EBF2: variants seen among roughly 807,000 people sequenced by gnomAD.
EBF2 encodes the protein transcription factor COE2.
EBF2 carries 21 observed loss-of-function variants against 72.8 expected under a neutral mutation model. The observed-to-expected ratio is 0.29, with a 90% CI of 0.20 to 0.42. EBF2 has a LOEUF of 0.42. EBF2 is among the 10% of genes least tolerant of loss of function. The pLI, the probability that EBF2 is intolerant of heterozygous loss-of-function variation, is 1.00. For missense variants in EBF2, 637 were observed against 731.2 expected, an observed-to-expected ratio of 0.87 and a Z score of 1.49; for synonymous variants, 299 against 274.2, an observed-to-expected ratio of 1.09 and a Z score of -0.89.
chr8:25,947,858 C>T (rs1803797444), intron 6 of EBF2, among the ~76,000 whole-genome samples: 1 of 152,138 alleles, frequency 6.6e-6, no homozygotes, highest in Non-Finnish European at 1.5e-5. Context: ...AAATAGAAGC[C>T]CTTCTTATAA....
At chr8:25,863,993 CTA>C (rs1028943499) in intron 10 of EBF2, among the ~76,000 whole-genome samples, 48 of 152,220 alleles carry the variant, frequency 3.2e-4, no homozygotes, top group African/African-American at 1.1e-3. Context: ...GCATATTTTT[CTA>C]TGACATGTTC....
chr8:25,921,624 A>C (rs1366040203), intron 6 of EBF2, among the ~76,000 whole-genome samples: 3 of 152,200 alleles, frequency 2.0e-5, no homozygotes, highest in Non-Finnish European at 4.4e-5. Context: ...TTAGTACCAA[A>C]AATGAAATCT....
At chr8:26,015,048 T>C (rs1805086333) in intron 6 of EBF2, among the ~76,000 whole-genome samples, 1 of 152,194 alleles carries the variant, frequency 6.6e-6, no homozygotes, top group Admixed American at 6.5e-5. Context: ...GGTGCTGGAA[T>C]AGAATTAAAT....
At chr8:26,014,506 T>C (rs1189518556) in intron 6 of EBF2, among the ~76,000 whole-genome samples, 1 of 152,210 alleles carries the variant, frequency 6.6e-6, no homozygotes, top group Non-Finnish European at 1.5e-5. Context: ...TTTTCTTTCC[T>C]CCTTTGCACT....
chr8:25,857,330 A>G (rs1218743387), intron 14 of EBF2, among the ~76,000 whole-genome samples: 2 of 152,068 alleles, frequency 1.3e-5, no homozygotes, highest in Non-Finnish European at 2.9e-5. Context: ...CAGGGAACCA[A>G]AAGTCCAAAG....
intron 5 of EBF2, among the ~76,000 whole-genome samples, chr8:26,033,932 A>C (rs1805450776): frequency 6.6e-6 from 1 of 152,336 alleles, no homozygotes; most frequent in Admixed American, 6.5e-5. Flanking sequence ...AGCAAATCAC[A>C]ACTTTCCCAT....
chr8:25,887,997 C>G (rs1802719876), intron 8 of EBF2, 25 bp from the exon 9 acceptor site: 1 of 1,587,908 alleles, frequency 6.3e-7, no homozygotes. Context: ...AAGAAAAAGT[C>G]AGGTTTGTTC....
intron 6 of EBF2, among the ~76,000 whole-genome samples, chr8:25,929,583 T>C (rs1803447762): frequency 6.6e-6 from 1 of 152,152 alleles, no homozygotes; most frequent in African/African-American, 2.4e-5. Flanking sequence ...AAATCTTCCT[T>C]AATAAACATG....
At chr8:25,860,720 T>G (rs1413217782) in intron 13 of EBF2, among the ~76,000 whole-genome samples, 1 of 151,988 alleles carries the variant, frequency 6.6e-6, no homozygotes, top group African/African-American at 2.4e-5. Flanking sequence ...TTTCACCATG[T>G]TGCCCAGGCT....
At chr8:26,016,397 T>C (rs560456864) in intron 6 of EBF2, among the ~76,000 whole-genome samples, 8 of 152,362 alleles carry the variant, frequency 5.3e-5, no homozygotes, top group African/African-American at 1.9e-4. Context: ...TCAACCCAGT[T>C]GCATTCATTC....
At chr8:25,968,855 G>A (rs912749313) in intron 6 of EBF2, among the ~76,000 whole-genome samples, 2 of 152,154 alleles carry the variant, frequency 1.3e-5, no homozygotes, top group East Asian at 1.9e-4. Flanking sequence ...ACCGTGCCCC[G>A]CAGAGTGTCA....
chr8:25,885,945 C>A (rs1466857194), intron 10 of EBF2, among the ~76,000 whole-genome samples: 5 of 152,156 alleles, frequency 3.3e-5, no homozygotes, highest in Non-Finnish European at 7.4e-5. Context: ...GTCAGACAAG[C>A]TTTTGGTCCT....
chr8:26,002,464 C>G (rs1310016045), intron 6 of EBF2, among the ~76,000 whole-genome samples: 1 of 152,194 alleles, frequency 6.6e-6, no homozygotes, highest in Non-Finnish European at 1.5e-5. Flanking sequence ...GTGCATTAGA[C>G]AAGGTGTGTA....
chr8:25,844,966 AT>A (rs917147278), intron 15 of EBF2, among the ~76,000 whole-genome samples: 18 of 152,210 alleles, frequency 1.2e-4, no homozygotes, highest in African/African-American at 4.1e-4. Flanking sequence ...ATATATGCAT[AT>A]TTTTTTATTC....
chr8:25,895,066 A>C (rs1802845999), intron 7 of EBF2, among the ~76,000 whole-genome samples: 1 of 152,182 alleles, frequency 6.6e-6, no homozygotes, highest in Non-Finnish European at 1.5e-5. Context: ...ACAGATGTCC[A>C]TAATTTGTGT....
intron 14 of EBF2, among the ~76,000 whole-genome samples, chr8:25,857,693 A>T (rs959702307): frequency 1.3e-5 from 2 of 152,186 alleles, no homozygotes; most frequent in Non-Finnish European, 2.9e-5. Flanking sequence ...TAGACCACAG[A>T]TTAAGATGAA....
At chr8:25,851,315 C>T (rs1166545498) in intron 14 of EBF2, among the ~76,000 whole-genome samples, 1 of 152,086 alleles carries the variant, frequency 6.6e-6, no homozygotes, top group East Asian at 1.9e-4. Flanking sequence ...TATTAACATT[C>T]AGAAAACCGT....
chr8:25,983,176 A>G (rs934003418), intron 6 of EBF2, among the ~76,000 whole-genome samples: 4 of 152,104 alleles, frequency 2.6e-5, no homozygotes, highest in Non-Finnish European at 4.4e-5. Context: ...GGTCGCATAC[A>G]TTATGTCATA....
At chr8:25,924,696 A>G (rs1254321209) in intron 6 of EBF2, among the ~76,000 whole-genome samples, 1 of 151,738 alleles carries the variant, frequency 6.6e-6, no homozygotes. Context: ...GTTCGCAGAG[A>G]AAACAGGGCC....
Sources: gnomAD v4.1 joint callset for allele counts (sites outside exome capture counted in the v4.1 genomes callset) on GRCh38, gnomAD v4.1.1 for gene constraint, MANE v1.5 for transcripts, NCBI Gene and HGNC (gene_info 2026-07-23, HGNC 2026-07-21) for gene names.